Variants in CYP3A5 observed in about 807,000 individuals in gnomAD.
The protein encoded by CYP3A5 is cytochrome P450 family 3 subfamily A member 5.
CYP3A5 carries 51 observed loss-of-function variants against 55.9 expected under a neutral mutation model. The ratio of observed to expected loss-of-function variants is 0.91; its 90% CI spans 0.73 to 1.15. The LOEUF (loss-of-function observed/expected upper bound fraction) is 1.15. CYP3A5 is among the 50% of genes most tolerant of loss of function. CYP3A5 has a pLI of 0.00. For synonymous variants in CYP3A5, 196 were observed against 213.9 expected (o/e 0.92, Z 0.73); for missense variants, 533 against 596.6 (o/e 0.89, Z 1.11).
chr7:99,672,535 T>C, intron 4 of CYP3A5, 45 bp downstream of exon 4: 1 of 1,486,746 alleles, frequency 6.7e-7, no homozygotes, highest in Non-Finnish European at 9.4e-7. Context: ...AAAAATTTAA[T>C]CAGTGGATCA....
chr7:99,675,745 G>A (rs1466748452), intron 2 of CYP3A5, among the ~76,000 whole-genome samples: 1 of 124,400 alleles, frequency 8.0e-6, no homozygotes, highest in East Asian at 2.3e-4. Flanking sequence ...CCAAGCTGGA[G>A]TGCAGTGGTG....
intron 1 of CYP3A5, chr7:99,677,170 A>G (rs1812373553): frequency 1.4e-5 from 14 of 985,252 alleles, no homozygotes; most frequent in Non-Finnish European, 1.6e-5. Context: ...GTCATGTGCA[A>G]ACTCCTCCAA....
chr7:99,673,257 G>C (rs1368868205), intron 3 of CYP3A5, among the ~76,000 whole-genome samples: 1 of 152,080 alleles, frequency 6.6e-6, no homozygotes, highest in Non-Finnish European at 1.5e-5. Flanking sequence ...GGACTTGAGG[G>C]GAGAAGATGA....
intron 11 of CYP3A5, chr7:99,652,308 C>T (rs1038799223): frequency 3.3e-5 from 10 of 302,612 alleles, no homozygotes; most frequent in African/African-American, 2.2e-5. Context: ...TCTATATAGG[C>T]GTAGAAAAAT....
At chr7:99,671,854 T>C (rs945233270) in intron 4 of CYP3A5, 2 of 702,850 alleles carry the variant, frequency 2.8e-6, no homozygotes, top group African/African-American at 1.7e-5. Flanking sequence ...GTCTGCATCT[T>C]GATGGTGCTG....
chr7:99,650,425 A>G (rs1175207600), intron 11 of CYP3A5, among the ~76,000 whole-genome samples, 193 bp from the exon 12 acceptor site: 1 of 152,166 alleles, frequency 6.6e-6, no homozygotes, highest in Non-Finnish European at 1.5e-5. Flanking sequence ...GGTCCTTTAA[A>G]TTCTCCATAC....
intron 2 of CYP3A5, 64 bp downstream of exon 2, chr7:99,676,051 A>G (rs1445516126): frequency 3.5e-6 from 5 of 1,433,372 alleles, no homozygotes; most frequent in Admixed American, 3.4e-5. Context: ...GGGCATTTTT[A>G]CTGATGGAAC....
At chr7:99,660,803 T>A in intron 9 of CYP3A5, 144 bp from the exon 10 acceptor site, 1 of 965,718 alleles carries the variant, frequency 1.0e-6, no homozygotes, top group Admixed American at 2.7e-5. Context: ...GTTTTCATTC[T>A]GATATGTATC....
In CYP3A5 at chr7:99,679,811, T is replaced by C. The variant is rs1812664191; in HGVS notation, c.71+15A>G. The C allele has an allele frequency of 1.2e-6, 2 of 1,613,828 alleles. No homozygotes were observed. The highest frequency in any genetic ancestry group is 2.2e-5 in the East Asian group (1 of 44,882). Reference sequence around the variant, plus strand: ...GTCCAAGGAAACAAAGAGAGGAGTTTGGACAGTTACTCACAGATAGAGGAG... The same window carrying C: ...GTCCAAGGAAACAAAGAGAGGAGTTCGGACAGTTACTCACAGATAGAGGAG... On this transcript the variant is annotated intron_variant, in intron 1 of 12. Coordinates refer to ENST00000222982, the MANE Select transcript of CYP3A5 (RefSeq NM_000777.5).
chr7:99,658,969 A>T lies in CYP3A5; in HGVS notation c.1026+1530T>A, dbSNP rs550633453. On this transcript the variant is annotated intron_variant, in intron 10 of 12. Transcript: ENST00000222982. ...AGGACTTCTCTGCATTGATTATTCT[A>T]GTTAGCCATTTGTCTAATCTTTTTT... 7 of 152,264 alleles carry T rather than the reference A, an allele frequency of 4.6e-5. No individual in the cohort carries two copies. The South Asian group carries it at 1.4e-3, about 32-fold the overall frequency. 9.4% of individuals were successfully genotyped at this position (152,264 alleles called of 1,614,324 possible). A position where few individuals can be genotyped will look rare whatever the true frequency, so the allele number is the denominator to read the frequency against.
rs201632515 is a variant in CYP3A5 at position 99,660,585 on chromosome 7, G to T, written c.940C>A (p.Leu314Ile). ...GCCAGTTCATATAAAGTGAAGGAAA[G>T]AACACTGCTGGTGGTTTCATAGCCA... is the stretch of plus-strand genomic sequence containing the variant. ...FAGYETTSSV[L>I]SFTLYELATH... The change falls in exon 10 of 13, where the codon CTT (leucine) becomes ATT (isoleucine). Residue 314 changes from leucine to isoleucine, a missense_variant. By Grantham distance (5) the Leu-to-Ile change is conservative (BLOSUM62 2). Coordinates refer to ENST00000222982, the MANE Select transcript of CYP3A5 (RefSeq NM_000777.5). 6.2e-7 allele frequency: 1 copy of T among 1,613,984 alleles called. No homozygotes were observed. The highest frequency in any genetic ancestry group is 2.2e-5 in the East Asian group (1 of 44,872).
At chr7:99,656,083 C>T (rs1403243013) in intron 10 of CYP3A5, among the ~76,000 whole-genome samples, 1 of 152,122 alleles carries the variant, frequency 6.6e-6, no homozygotes, top group African/African-American at 2.4e-5. Context: ...CTTTCTCTTG[C>T]CTGATTGCCC....
intron 4 of CYP3A5, among the ~76,000 whole-genome samples, chr7:99,669,134 A>G (rs1811328076): frequency 6.6e-6 from 1 of 152,228 alleles, no homozygotes; most frequent in Non-Finnish European, 1.5e-5. Flanking sequence ...ACCCTAAAAA[A>G]CAAAAATTAT....
chr7:99,670,225 A>C (rs1811456114), intron 4 of CYP3A5, among the ~76,000 whole-genome samples: 1 of 152,160 alleles, frequency 6.6e-6, no homozygotes, highest in South Asian at 2.1e-4. Flanking sequence ...GACAATGAAA[A>C]CTGGCTTACA....
At chr7:99,659,515 G>C (rs989536926) in intron 10 of CYP3A5, 3 of 154,668 alleles carry the variant, frequency 1.9e-5, no homozygotes, top group Admixed American at 6.5e-5. Flanking sequence ...TAGGCTGCTC[G>C]GGGGTCAGGG....
intron 3 of CYP3A5, 91 bp from the exon 4 acceptor site, chr7:99,672,770 T>A (rs1811801482): frequency 6.3e-7 from 1 of 1,592,664 alleles, no homozygotes; most frequent in East Asian, 2.2e-5. Flanking sequence ...ATCATTATGT[T>A]ATGTAATCCA....
chr7:99,664,802 CA>C (rs1314794934), intron 7 of CYP3A5, among the ~76,000 whole-genome samples: 1 of 151,816 alleles, frequency 6.6e-6, no homozygotes, highest in Non-Finnish European at 1.5e-5. Flanking sequence ...CTAAAGCCAG[CA>C]AAAGAAAGAA....
chr7:99,667,661 TG>T (rs1811175354), intron 4 of CYP3A5, among the ~76,000 whole-genome samples: 1 of 152,214 alleles, frequency 6.6e-6, no homozygotes, highest in Admixed American at 6.5e-5. Flanking sequence ...TTTCCCAACT[TG>T]GGGCTGGACT....
At chr7:99,654,047 A>C (rs540027082) in intron 10 of CYP3A5, among the ~76,000 whole-genome samples, 3 of 152,160 alleles carry the variant, frequency 2.0e-5, no homozygotes, top group African/African-American at 7.2e-5. Context: ...TCTTGTGAGC[A>C]ATAAATGCTT....
Sources: allele counts gnomAD v4.1 joint callset (sites outside exome capture counted in the v4.1 genomes callset), GRCh38; gene constraint gnomAD v4.1.1; transcripts MANE v1.5; gene names NCBI Gene and HGNC (gene_info 2026-07-23, HGNC 2026-07-21).